The following ESCO2 variants were observed in gnomAD, a reference collection of about 807,000 sequenced individuals.
ESCO2 encodes N-acetyltransferase ESCO2.
ESCO2 carries 51 observed loss-of-function variants against 61.7 expected under a neutral mutation model. That is an observed-to-expected ratio of 0.83 (90% CI 0.66 to 1.04). ESCO2 has a LOEUF of 1.04. Among genes scored for constraint, ESCO2 ranks in the 50% least tolerant of loss-of-function variants. The pLI, the probability that ESCO2 is intolerant of heterozygous loss-of-function variation, is 0.00. For synonymous variants in ESCO2, 230 were observed against 238.2 expected, an observed-to-expected ratio of 0.97 and a Z score of 0.32; for missense variants, 692 against 686.2, an observed-to-expected ratio of 1.01 and a Z score of -0.09.
chr8:27,786,140 G>C (rs1805036104), intron 5 of ESCO2, among the ~76,000 whole-genome samples: 1 of 152,210 alleles, frequency 6.6e-6, no homozygotes, highest in Non-Finnish European at 1.5e-5. Flanking sequence ...TAGCCCATTA[G>C]TAGTTCATCA....
At chr8:27,777,484 A>G (rs745495721) in intron 3 of ESCO2, 1 of 211,266 alleles carries the variant, frequency 4.7e-6, no homozygotes, top group Non-Finnish European at 9.5e-6. Context: ...TTTTTTGTAG[A>G]GGCTGGGGTT....
chr8:27,810,449 C>T (rs1323962298), downstream of ESCO2: 7 of 1,610,310 alleles, frequency 4.3e-6, no homozygotes, highest in Non-Finnish European at 5.9e-6. Context: ...GCCTAGTTCC[C>T]AACGCTGCAT....
downstream of ESCO2, chr8:27,810,630 T>C: frequency 1.6e-6 from 1 of 620,384 alleles, no homozygotes; most frequent in East Asian, 2.7e-5. Context: ...ACAGACAGAA[T>C]GGAAATGTCT....
At chr8:27,788,138 A>C (rs1805089881) in intron 6 of ESCO2, 136 bp downstream of exon 6, 2 of 669,572 alleles carry the variant, frequency 3.0e-6, no homozygotes, top group South Asian at 3.3e-5. Flanking sequence ...TGGGAGTTGT[A>C]GGTGGTGACA....
At chr8:27,788,338 T>A (rs897229781) in intron 6 of ESCO2, among the ~76,000 whole-genome samples, 45 of 152,180 alleles carry the variant, frequency 3.0e-4, no homozygotes, top group African/African-American at 1.0e-3. Context: ...TTCAGGTCTT[T>A]AAGGGTTTCA....
intron 5 of ESCO2, among the ~76,000 whole-genome samples, chr8:27,787,601 A>G (rs1805075735): frequency 6.6e-6 from 1 of 152,186 alleles, no homozygotes; most frequent in Non-Finnish European, 1.5e-5. Flanking sequence ...GTGTGCATCT[A>G]TGTGCATCTG....
chr8:27,803,468 T>C lies in ESCO2; in HGVS notation c.*30T>C, dbSNP rs768084748. On this transcript the variant is annotated 3_prime_UTR_variant, in exon 11 of 11. Coordinates refer to ENST00000305188, the MANE Select transcript of ESCO2 (RefSeq NM_001017420.3). Reference sequence around the variant, plus strand: ...GATTTCAGTTATAAAGGAGTTACTATCTGGATAAGTTCAAAGAGCTCCTTA... The same window carrying C: ...GATTTCAGTTATAAAGGAGTTACTACCTGGATAAGTTCAAAGAGCTCCTTA... 6.2e-7 allele frequency: 1 copy of C among 1,610,958 alleles called. No homozygotes were observed. The highest frequency in any genetic ancestry group is 1.1e-5 in the South Asian group (1 of 90,922).
At chr8:27,790,339 A>G (rs1259704340) in intron 7 of ESCO2, among the ~76,000 whole-genome samples, 2 of 152,078 alleles carry the variant, frequency 1.3e-5, no homozygotes, top group African/African-American at 4.8e-5. Flanking sequence ...TATATTTTTG[A>G]TATAGTAATA....
chr8:27,789,803 T>C (rs1805134063), intron 7 of ESCO2, among the ~76,000 whole-genome samples: 1 of 144,102 alleles, frequency 6.9e-6, no homozygotes, highest in Non-Finnish European at 1.5e-5. Flanking sequence ...AAAAAAGCCA[T>C]AGATGAAACA....
At chr8:27,813,230 A>C (rs765478031), downstream of ESCO2, among the ~76,000 whole-genome samples, 10 of 152,116 alleles carry the variant, frequency 6.6e-5, no homozygotes, top group Non-Finnish European at 1.3e-4. Context: ...AGAAAACCAA[A>C]CACCACATGT....
chr8:27,809,739 C>CATT (rs1194821576), downstream of ESCO2: 10 of 151,162 alleles, frequency 6.6e-5, no homozygotes, highest in African/African-American at 2.4e-4. Context: ...ATGGAAAATA[C>CATT]ATTTAATAAA....
At chr8:27,805,628 GTTTC>G (rs563365927), downstream of ESCO2, among the ~76,000 whole-genome samples, 1,119 of 152,112 alleles carry the variant, frequency 7.4e-3, 8 homozygotes, top group Non-Finnish European at 0.012. Context: ...ATCTTGGTTG[GTTTC>G]TTTCTTTTTT....
chr8:27,787,841 C>T (rs1805080774), intron 5 of ESCO2, 44 bp from the exon 6 acceptor site: 1 of 1,460,496 alleles, frequency 6.8e-7, no homozygotes, highest in Non-Finnish European at 9.6e-7. Flanking sequence ...CCTTGTAATT[C>T]CTCCAAAATT....
At chr8:27,818,731 T>C in the ESCO2 span, among the ~76,000 whole-genome samples, 1 of 152,122 alleles carries the variant, frequency 6.6e-6, no homozygotes, top group Non-Finnish European at 1.5e-5. Flanking sequence ...CCCACTGTGA[T>C]ATAGAATTCT....
chr8:27,816,468 C>T (rs1805817573), downstream of ESCO2, among the ~76,000 whole-genome samples: 1 of 151,512 alleles, frequency 6.6e-6, no homozygotes, highest in African/African-American at 2.4e-5. Flanking sequence ...GCTCTGCCTC[C>T]TGGGTTCACG....
downstream of ESCO2, among the ~76,000 whole-genome samples, chr8:27,816,381 TAA>T (rs1563489379): frequency 3.5e-4 from 15 of 42,286 alleles, no homozygotes; most frequent in East Asian, 2.9e-3. Flanking sequence ...TTATTTATTT[TAA>T]TTTATTTTTT....
chr8:27,806,178 C>T (rs1334886580), downstream of ESCO2, among the ~76,000 whole-genome samples: 2 of 152,128 alleles, frequency 1.3e-5, no homozygotes, highest in Non-Finnish European at 2.9e-5. Flanking sequence ...GTGATAAGTG[C>T]TCAGTTAAGA....
Position 27,777,112 on chromosome 8 carries a change from G to C in ESCO2, c.804G>C (p.Glu268Asp). The C allele has an allele frequency of 6.3e-7, 1 of 1,595,204 alleles. No homozygotes were observed. The highest frequency in any genetic ancestry group is 8.5e-7 in the Non-Finnish European group (1 of 1,175,452). The change falls in exon 3 of 11, where the codon GAG (glutamate) becomes GAC (aspartate). Residue 268 changes from glutamate (E) to aspartate (D), a missense_variant. Glu to Asp is a conservative substitution (Grantham distance 45, BLOSUM62 2). Transcript: ENST00000305188. The stretch of plus-strand genomic sequence containing the variant: ...TGCCAAAGTGCTTGGTCCTAGAAGA[G>C]AAATTGAAAATTGGACTACTGAGTG... ...RQVPKCLVLE[E>D]KLKIGLLSAS...
Position 27,780,265 on chromosome 8 carries a change from CA to C in ESCO2, c.955del (p.Ile319PhefsTer22). On this transcript the variant is annotated frameshift_variant and splice_region_variant, in exon 4 of 11. Coordinates refer to ENST00000305188, the MANE Select transcript of ESCO2 (RefSeq NM_001017420.3). LOFTEE classifies it high-confidence loss of function. Reference protein sequence around the residue: ...SSEDSLGENKTISPKSTVYPI... With the variant: ...SSEDSLGENKXISPKSTVYPI... ...GAGGATTCTCTTGGTGAGAATAAGA[CA>C]AGTAAGAGAAAACTCGCATGAATTT... is the stretch of plus-strand genomic sequence containing the variant. 1 of 1,584,076 alleles carries C rather than the reference CA, an allele frequency of 6.3e-7. No individual in the cohort carries two copies. Among genetic ancestry groups the C allele is most frequent in the Non-Finnish European group, 8.7e-7 (1 of 1,153,356 alleles).
Sources: allele counts gnomAD v4.1 joint callset (sites outside exome capture counted in the v4.1 genomes callset), GRCh38; gene constraint gnomAD v4.1.1; transcripts MANE v1.5; gene names NCBI Gene and HGNC (gene_info 2026-07-23, HGNC 2026-07-21).